Variants in SNTG1 observed in about 807,000 individuals in gnomAD.
The protein encoded by SNTG1 is gamma-1-syntrophin.
SNTG1 carries 39 observed loss-of-function variants against 74.7 expected under a neutral mutation model. The observed-to-expected ratio is 0.52, with a 90% CI of 0.40 to 0.68. The LOEUF (loss-of-function observed/expected upper bound fraction) is 0.68, where lower values mean the gene tolerates loss of function less well. Among genes scored for constraint, SNTG1 ranks in the 30% least tolerant of loss-of-function variants. The pLI, the probability that SNTG1 is intolerant of heterozygous loss-of-function variation, is 0.00. For synonymous variants in SNTG1, 254 were observed against 217.1 expected, an observed-to-expected ratio of 1.17 and a Z score of -1.49; for missense variants, 685 against 609.5, an observed-to-expected ratio of 1.12 and a Z score of -1.30.
chr8:50,325,465 T>C (rs1229445412), intron 2 of SNTG1, among the ~76,000 whole-genome samples: 1 of 152,018 alleles, frequency 6.6e-6, no homozygotes, highest in African/African-American at 2.4e-5. Context: ...ATATTTCATC[T>C]TTGGGGTGCT....
At chr8:50,562,609 G>A (rs1047219690) in intron 12 of SNTG1, among the ~76,000 whole-genome samples, 2 of 152,064 alleles carry the variant, frequency 1.3e-5, no homozygotes, top group African/African-American at 4.8e-5. Flanking sequence ...ATAAATGTGT[G>A]GGTTTTTCTT....
intron 2 of SNTG1, chr8:50,286,424 AT>A (rs2130499802): frequency 6.6e-6 from 1 of 152,284 alleles, no homozygotes; most frequent in East Asian, 1.9e-4. Context: ...CACTTGTGCC[AT>A]TTATGATCCC....
intron 3 of SNTG1, among the ~76,000 whole-genome samples, chr8:50,399,566 G>A (rs1434504565): frequency 6.6e-6 from 1 of 152,116 alleles, no homozygotes; most frequent in Non-Finnish European, 1.5e-5. Context: ...GTGATTATCA[G>A]CTATTCCATT....
chr8:49,987,422 C>A (rs1471971149), intron 1 of SNTG1, among the ~76,000 whole-genome samples: 1 of 151,998 alleles, frequency 6.6e-6, no homozygotes, highest in Non-Finnish European at 1.5e-5. Context: ...TAAGATACAC[C>A]TAAAAAGAGT....
At chr8:50,462,794 C>CTTTTTTTTTTTTTTTTTTTTTTTTTTT (rs2093576027) in intron 8 of SNTG1, among the ~76,000 whole-genome samples, 1 of 43,628 alleles carries the variant, frequency 2.3e-5, no homozygotes, top group Non-Finnish European at 4.7e-5. Context: ...TCAGGTTCTA[C>CTTTTTTTTTTTTTTTTTTTTTTTTTTT]TCTTTTTTTT....
At chr8:50,367,778 T>TAC (rs150834903) in intron 2 of SNTG1, among the ~76,000 whole-genome samples, 8,026 of 151,376 alleles carry the variant, frequency 0.053, 242 homozygotes, top group Middle Eastern at 0.12. Flanking sequence ...TTGTATTGTA[T>TAC]ACACACACAC....
chr8:50,284,349 T>C (rs1258325386), intron 2 of SNTG1, among the ~76,000 whole-genome samples: 1 of 152,076 alleles, frequency 6.6e-6, no homozygotes, highest in East Asian at 1.9e-4. Flanking sequence ...ATCACAGAGG[T>C]AAATTACCAT....
intron 1 of SNTG1, among the ~76,000 whole-genome samples, chr8:50,053,480 T>A (rs1242921442): frequency 6.6e-6 from 1 of 152,048 alleles, no homozygotes; most frequent in Non-Finnish European, 1.5e-5. Flanking sequence ...TAAAATATTT[T>A]AAAAGTAGAC....
intron 1 of SNTG1, among the ~76,000 whole-genome samples, chr8:50,093,533 A>C (rs976635066): frequency 3.3e-5 from 5 of 152,074 alleles, no homozygotes; most frequent in Non-Finnish European, 7.4e-5. Context: ...CCAAAATTCC[A>C]TGTGGATTTC....
At chr8:50,293,410 T>A (rs1366617519) in intron 2 of SNTG1, among the ~76,000 whole-genome samples, 2 of 151,538 alleles carry the variant, frequency 1.3e-5, no homozygotes, top group Non-Finnish European at 2.9e-5. Context: ...CTTCTTTTTT[T>A]TTTTTTCTTT....
Position 49,961,657 on chromosome 8 carries a change from G to A in SNTG1, c.-103+49426G>A, listed in dbSNP as rs552081741. Among the ~76,000 whole-genome samples the A allele has an allele frequency of 7.2e-5, 11 of 152,278 alleles. No homozygotes were observed. In the South Asian group the frequency reaches 1.0e-3, roughly 14 times the overall value. Reference sequence around the variant, plus strand: ...GACTTTCTACTATACATTATTGCACGAGAATATGCCTGATATACTTAAAAG... The same window carrying A: ...GACTTTCTACTATACATTATTGCACAAGAATATGCCTGATATACTTAAAAG... On this transcript the variant is annotated intron_variant, in intron 1 of 18. Transcript: ENST00000642720.
At chr8:49,958,811 A>T (rs1810422316) in intron 1 of SNTG1, among the ~76,000 whole-genome samples, 1 of 152,228 alleles carries the variant, frequency 6.6e-6, no homozygotes, top group South Asian at 2.1e-4. Context: ...TTACAGATAA[A>T]TCATTACTGG....
chr8:50,168,545 G>T (rs569233094), intron 1 of SNTG1, among the ~76,000 whole-genome samples: 1 of 152,100 alleles, frequency 6.6e-6, no homozygotes, highest in African/African-American at 2.4e-5. Flanking sequence ...ATCCGTGTGT[G>T]TATACATGTA....
At chr8:50,425,354 T>C (rs1207851429) in intron 4 of SNTG1, among the ~76,000 whole-genome samples, 1 of 151,322 alleles carries the variant, frequency 6.6e-6, no homozygotes, top group African/African-American at 2.4e-5. Context: ...CATCACATTC[T>C]CATAGAAGCA....
intron 13 of SNTG1, among the ~76,000 whole-genome samples, chr8:50,643,339 CT>C (rs2095086010): frequency 6.6e-6 from 1 of 152,168 alleles, no homozygotes; most frequent in South Asian, 2.1e-4. Flanking sequence ...TTGAAAGAAG[CT>C]TTTATAGCCA....
In SNTG1 at chr8:50,792,526, A is replaced by T. The variant is rs2095693963; in HGVS notation, c.1396-145A>T. ...TACGATGTTTACACGTTGACCAAAA[A>T]TGTCTACATTTGAAATTAGTTTCCA... On this transcript the variant is annotated intron_variant, in intron 18 of 18. Coordinates refer to ENST00000642720, the MANE Select transcript of SNTG1 (RefSeq NM_018967.5). 8.3e-6 allele frequency: 7 copies of T among 848,356 alleles called. No homozygotes were observed. The Admixed American group carries it at 2.0e-4, about 24-fold the overall frequency. The allele number at this position is 848,356 out of a possible 1,614,324, so 52.6% of individuals were successfully genotyped here.
At chr8:50,578,889 A>T (rs1294087742) in intron 12 of SNTG1, among the ~76,000 whole-genome samples, 1 of 152,180 alleles carries the variant, frequency 6.6e-6, no homozygotes, top group African/African-American at 2.4e-5. Context: ...ATGGACTAAT[A>T]TAGTAAATTG....
chr8:50,737,473 C>G (rs1415365761), intron 17 of SNTG1, among the ~76,000 whole-genome samples: 1 of 152,104 alleles, frequency 6.6e-6, no homozygotes, highest in Non-Finnish European at 1.5e-5. Flanking sequence ...AGAATTCAAC[C>G]AGAGTTACAA....
At position 50,175,141 on chromosome 8, in the gene SNTG1, G is replaced by A. The variant is rs558032669; in HGVS notation, c.-28+2506G>A. Among the ~76,000 whole-genome samples, 10 of 152,020 alleles carry A rather than the reference G, an allele frequency of 6.6e-5. No homozygotes were observed. In the South Asian group the frequency reaches 8.3e-4, roughly 13 times the overall value. On this transcript the variant is annotated intron_variant, in intron 2 of 18. Coordinates refer to ENST00000642720, the MANE Select transcript of SNTG1 (RefSeq NM_018967.5). ...TGGACATTTGGGTTGGTTCCAAGTC[G>A]TTGCTATCGTGAATAGTGCCGCAAT...
Sources: gnomAD v4.1 joint callset for allele counts (sites outside exome capture counted in the v4.1 genomes callset) on GRCh38, gnomAD v4.1.1 for gene constraint, MANE v1.5 for transcripts, NCBI Gene and HGNC (gene_info 2026-07-23, HGNC 2026-07-21) for gene names.